Variants in SLC31A1 observed in about 807,000 individuals in gnomAD.
The protein encoded by SLC31A1 is high affinity copper uptake protein 1.
In SLC31A1, 5 loss-of-function variants were observed where a neutral mutation model predicts 17.2. The ratio of observed to expected loss-of-function variants is 0.29; its 90% CI spans 0.15 to 0.61. The LOEUF (loss-of-function observed/expected upper bound fraction) is 0.61, where lower values mean the gene tolerates loss of function less well. SLC31A1 is among the 20% of genes least tolerant of loss of function. SLC31A1 has a pLI of 0.86. For synonymous variants in SLC31A1, 76 were observed against 78.8 expected, an observed-to-expected ratio of 0.96 and a Z score of 0.19; for missense variants, 161 against 241.4, an observed-to-expected ratio of 0.67 and a Z score of 2.21.
chr9:113,224,547 C>T (rs1831320016), intron 1 of SLC31A1, among the ~76,000 whole-genome samples: 2 of 151,986 alleles, frequency 1.3e-5, no homozygotes, highest in African/African-American at 4.8e-5. Context: ...TCCAGCCTCA[C>T]CCTCCCGAGT....
Position 113,260,759 on chromosome 9 carries a change from A to G in SLC31A1, c.*286A>G. The G allele has an allele frequency of 2.2e-6, 1 of 451,024 alleles. No homozygotes were observed. Among genetic ancestry groups the G allele is most frequent in the Non-Finnish European group, 4.1e-6 (1 of 242,574 alleles). The allele number at this position is 451,024 out of a possible 1,614,324, so 27.9% of individuals were successfully genotyped here. ...TTCCTTCTCCATCATCTTAGAGCCA[A>G]GTTATATGTTCTTGTCTAATCCATG... is the stretch of plus-strand genomic sequence containing the variant. On this transcript the variant is annotated 3_prime_UTR_variant, in exon 5 of 5. Coordinates refer to ENST00000374212, the MANE Select transcript of SLC31A1 (RefSeq NM_001859.4).
At chr9:113,250,487 A>G (rs1288908234) in intron 1 of SLC31A1, among the ~76,000 whole-genome samples, 1 of 142,338 alleles carries the variant, frequency 7.0e-6, no homozygotes, top group African/African-American at 2.6e-5. Context: ...ATGAGAACAC[A>G]TGGACACAGG....
At chr9:113,247,766 CT>C in intron 1 of SLC31A1, among the ~76,000 whole-genome samples, 1 of 152,242 alleles carries the variant, frequency 6.6e-6, no homozygotes, top group East Asian at 1.9e-4. Flanking sequence ...AACAGAAGTG[CT>C]GAGCTCTTCA....
chr9:113,256,355 A>G (rs934792863), intron 2 of SLC31A1, 78 bp downstream of exon 2: 1 of 1,532,592 alleles, frequency 6.5e-7, no homozygotes, highest in East Asian at 2.3e-5. Context: ...TTAGTACTGG[A>G]AGCTTATTAT....
At chr9:113,240,817 AG>A (rs1831513072) in intron 1 of SLC31A1, among the ~76,000 whole-genome samples, 1 of 152,178 alleles carries the variant, frequency 6.6e-6, no homozygotes. Context: ...TGGGAGGCCG[AG>A]GCAGGCAAAT....
rs1831800277 is a variant in SLC31A1 at position 113,262,133 on chromosome 9, C to T, written c.*1660C>T. The T allele has an allele frequency of 6.6e-6, 1 of 152,446 alleles. No individual in the cohort carries two copies. Among genetic ancestry groups the T allele is most frequent in the African/African-American group, 2.4e-5 (1 of 41,424 alleles). 9.4% of individuals were successfully genotyped at this position (152,446 alleles called of 1,614,324 possible). ...AGTCATGGGCCAGAAGGGCAAAAGC[C>T]CAGCTTTCTCTTTGGAAAGACTCAG... is the stretch of plus-strand genomic sequence containing the variant. On this transcript the variant is annotated 3_prime_UTR_variant, in exon 5 of 5. Transcript: ENST00000374212.
chr9:113,238,570 T>C (rs1232781169), intron 1 of SLC31A1, among the ~76,000 whole-genome samples: 1 of 152,190 alleles, frequency 6.6e-6, no homozygotes, highest in African/African-American at 2.4e-5. Flanking sequence ...AAGACCAGCC[T>C]GGCCAACATG....
chr9:113,228,435 T>C (rs985310496), intron 1 of SLC31A1, among the ~76,000 whole-genome samples: 2 of 152,252 alleles, frequency 1.3e-5, no homozygotes, highest in African/African-American at 4.8e-5. Context: ...GGCCCTGTTA[T>C]CATTACATAA....
At chr9:113,251,374 A>G (rs1015582963) in intron 1 of SLC31A1, among the ~76,000 whole-genome samples, 9 of 152,146 alleles carry the variant, frequency 5.9e-5, no homozygotes, top group African/African-American at 1.9e-4. Flanking sequence ...GTGAGCCAAG[A>G]TGGCACCACT....
intron 1 of SLC31A1, among the ~76,000 whole-genome samples, chr9:113,253,459 G>A (rs1242174121): frequency 6.6e-6 from 1 of 151,290 alleles, no homozygotes; most frequent in Non-Finnish European, 1.5e-5. Context: ...TAAAAACATT[G>A]TAGACAAAGA....
intron 1 of SLC31A1, among the ~76,000 whole-genome samples, chr9:113,249,669 G>A (rs1455250690): frequency 6.6e-6 from 1 of 152,060 alleles, no homozygotes; most frequent in African/African-American, 2.4e-5. Flanking sequence ...CCCGGCCACA[G>A]TAATTCTAAT....
chr9:113,245,962 C>G (rs1451138756), intron 1 of SLC31A1, among the ~76,000 whole-genome samples: 1 of 151,654 alleles, frequency 6.6e-6, no homozygotes, highest in Non-Finnish European at 1.5e-5. Context: ...AGTATTATAT[C>G]AAGGTCTCCC....
At chr9:113,245,163 T>G (rs1284040575) in intron 1 of SLC31A1, among the ~76,000 whole-genome samples, 1 of 152,196 alleles carries the variant, frequency 6.6e-6, no homozygotes, top group Non-Finnish European at 1.5e-5. Context: ...AGCTAGAATA[T>G]CAAAAGGATT....
chr9:113,235,022 AT>A (rs1831440415), intron 1 of SLC31A1, among the ~76,000 whole-genome samples: 1 of 152,216 alleles, frequency 6.6e-6, no homozygotes, highest in African/African-American at 2.4e-5. Flanking sequence ...CTGTTCGTTC[AT>A]CTAAAGACAC....
At chr9:113,238,464 A>G (rs1831487299) in intron 1 of SLC31A1, among the ~76,000 whole-genome samples, 1 of 152,204 alleles carries the variant, frequency 6.6e-6, no homozygotes, top group Non-Finnish European at 1.5e-5. Flanking sequence ...GCAGGGCATT[A>G]AAATCTGGAT....
intron 1 of SLC31A1, among the ~76,000 whole-genome samples, chr9:113,253,046 C>T (rs538294158): frequency 6.7e-6 from 1 of 150,226 alleles, no homozygotes; most frequent in Non-Finnish European, 1.5e-5. Context: ...CTCCGCCTCC[C>T]GGGTTCACGC....
At chr9:113,255,079 T>C (rs1320798210) in intron 1 of SLC31A1, among the ~76,000 whole-genome samples, 1 of 152,188 alleles carries the variant, frequency 6.6e-6, no homozygotes, top group African/African-American at 2.4e-5. Context: ...AATGTCCTGG[T>C]AGGATTGAAA....
chr9:113,257,269 C>T (rs1831738717), intron 3 of SLC31A1, 84 bp downstream of exon 3: 1 of 1,123,830 alleles, frequency 8.9e-7, no homozygotes, highest in East Asian at 2.4e-5. Flanking sequence ...GCACCTCTTT[C>T]TGTCCTAATT....
chr9:113,256,351 C>G (rs963221087), intron 2 of SLC31A1, 74 bp downstream of exon 2: 1 of 1,545,356 alleles, frequency 6.5e-7, no homozygotes, highest in Non-Finnish European at 8.9e-7. Context: ...AATTTTAGTA[C>G]TGGAAGCTTA....
Sources: allele counts gnomAD v4.1 joint callset (sites outside exome capture counted in the v4.1 genomes callset), GRCh38; gene constraint gnomAD v4.1.1; transcripts MANE v1.5; gene names NCBI Gene and HGNC (gene_info 2026-07-23, HGNC 2026-07-21).